The following MBD2 variants were observed in gnomAD, a reference collection of about 807,000 sequenced individuals.
The protein encoded by MBD2 is methyl-CpG-binding domain protein 2.
Under a neutral mutation model 39.3 loss-of-function variants are expected in MBD2, and 9 were observed. The observed-to-expected ratio is 0.23, with a 90% CI of 0.14 to 0.40. The LOEUF (loss-of-function observed/expected upper bound fraction) is 0.40. Ranked by LOEUF, MBD2 falls within the 10% of genes least tolerant of loss-of-function variation. The pLI, the probability that MBD2 is intolerant of heterozygous loss-of-function variation, is 1.00. For synonymous variants in MBD2, 233 were observed against 211.1 expected (o/e 1.10, Z -0.90); for missense variants, 458 against 532.6 (o/e 0.86, Z 1.38).
At chr18:54,185,794 T>C (rs373090728) in intron 3 of MBD2, among the ~76,000 whole-genome samples, 1 of 152,240 alleles carries the variant, frequency 6.6e-6, no homozygotes, top group South Asian at 2.1e-4. Flanking sequence ...TGATGCTATA[T>C]ACAAAAATGG....
At chr18:54,208,125 T>C (rs926783894) in intron 1 of MBD2, among the ~76,000 whole-genome samples, 6 of 152,268 alleles carry the variant, frequency 3.9e-5, no homozygotes, top group African/African-American at 1.4e-4. Flanking sequence ...ACTCAAGTTA[T>C]TGGTAAACGA....
chr18:54,196,112 T>C (rs575322707), intron 2 of MBD2, among the ~76,000 whole-genome samples: 1 of 152,332 alleles, frequency 6.6e-6, no homozygotes, highest in Admixed American at 6.5e-5. Flanking sequence ...AATTCAGTGG[T>C]TTCTAGTATA....
At position 54,208,387 on chromosome 18, in the gene MBD2, G is replaced by A. The variant is rs373086957; in HGVS notation, c.543-3230C>T. ...CATGCCTCTAACCCCAGCTACTCGG[G>A]AGGCTGAGGCAGGAGAATCGCTTGA... On this transcript the variant is annotated intron_variant, in intron 1 of 6. Coordinates refer to ENST00000256429, the MANE Select transcript of MBD2 (RefSeq NM_003927.5). Among the ~76,000 whole-genome samples the A allele has an allele frequency of 5.3e-4, 80 of 152,298 alleles. 1 individual carries two copies. In the South Asian group the frequency reaches 0.013, roughly 26 times the overall value.
chr18:54,201,052 C>A (rs1440503209), intron 2 of MBD2, among the ~76,000 whole-genome samples: 1 of 151,306 alleles, frequency 6.6e-6, no homozygotes, highest in Non-Finnish European at 1.5e-5. Context: ...TGCACTCCAG[C>A]CTGGGCGACA....
At chr18:54,177,088 T>C (rs1247788338) in intron 3 of MBD2, among the ~76,000 whole-genome samples, 1 of 152,208 alleles carries the variant, frequency 6.6e-6, no homozygotes, top group African/African-American at 2.4e-5. Flanking sequence ...AATAAGAGTA[T>C]CATTCGTGGT....
chr18:54,214,131 G>A (rs568074487), intron 1 of MBD2, among the ~76,000 whole-genome samples: 1 of 149,484 alleles, frequency 6.7e-6, no homozygotes, highest in African/African-American at 2.4e-5. Flanking sequence ...ACTGAGCAGG[G>A]GTTACTTTTA....
In MBD2 at chr18:54,157,540, C is replaced by T. The variant is rs141296768; in HGVS notation, c.*12+2225G>A. ...CCTCCCAAAGTGCTGGGATTATAGG[C>T]GTGAGCCACCACACCCAGCCTGAAA... On this transcript the variant is annotated intron_variant, in intron 6 of 6. Transcript: ENST00000256429. 4.3e-3 allele frequency among the ~76,000 whole-genome samples: 650 copies of T among 152,236 alleles called. 6 individuals are homozygous for T. Among genetic ancestry groups the T allele is most frequent in the South Asian group, 0.013 (65 of 4,818 alleles).
intron 3 of MBD2, among the ~76,000 whole-genome samples, chr18:54,175,108 T>C (rs994435181): frequency 6.6e-6 from 1 of 152,246 alleles, no homozygotes; most frequent in Non-Finnish European, 1.5e-5. Context: ...TCATGTATTG[T>C]CTTAAAAAGC....
chr18:54,200,191 T>C lies in MBD2; in HGVS notation c.702+4807A>G, dbSNP rs561300176. Among the ~76,000 whole-genome samples the C allele has an allele frequency of 2.0e-5, 3 of 152,136 alleles. No individual in the cohort carries two copies. The East Asian group carries it at 6.0e-4, about 31-fold the overall frequency. On this transcript the variant is annotated intron_variant, in intron 2 of 6. Coordinates refer to ENST00000256429, the MANE Select transcript of MBD2 (RefSeq NM_003927.5). ...TCCAATTTGGGTGAATAGAGAAATG[T>C]GACGAAAGAATTGAGCCTTTCCAAG... is the stretch of plus-strand genomic sequence containing the variant.
chr18:54,189,096 T>A, intron 2 of MBD2, 85 bp from the exon 3 acceptor site: 1 of 874,508 alleles, frequency 1.1e-6, no homozygotes, highest in South Asian at 2.7e-5. Context: ...TCTATTACTT[T>A]AAATCAAATT....
intron 1 of MBD2, among the ~76,000 whole-genome samples, chr18:54,220,237 A>T (rs920228378): frequency 5.9e-5 from 9 of 152,208 alleles, no homozygotes; most frequent in African/African-American, 1.9e-4. Context: ...CAAGTTAGAA[A>T]GTTATTGTTC....
intron 3 of MBD2, among the ~76,000 whole-genome samples, chr18:54,169,784 G>T (rs569643216): frequency 4.6e-5 from 7 of 152,232 alleles, no homozygotes; most frequent in Admixed American, 4.6e-4. Context: ...CCAATAAATA[G>T]AATAGGTATA....
At chr18:54,198,653 G>A (rs62096962) in intron 2 of MBD2, among the ~76,000 whole-genome samples, 4,721 of 152,292 alleles carry the variant, frequency 0.031, 119 homozygotes, top group Non-Finnish European at 0.046. Flanking sequence ...TCAAGGCTGC[G>A]TGAACTGTGA....
At chr18:54,188,425 C>T (rs774870405) in intron 3 of MBD2, among the ~76,000 whole-genome samples, 18 of 152,276 alleles carry the variant, frequency 1.2e-4, no homozygotes, top group Admixed American at 3.9e-4. Context: ...CAAAGTTTAT[C>T]TAATTCTGTT....
intron 2 of MBD2, chr18:54,203,236 AT>A (rs1168692748): frequency 9.1e-7 from 1 of 1,097,764 alleles, no homozygotes. Flanking sequence ...CAGTACAGTA[AT>A]CTAAAAGTAC....
At chr18:54,186,612 A>G (rs1177630766) in intron 3 of MBD2, among the ~76,000 whole-genome samples, 1 of 152,226 alleles carries the variant, frequency 6.6e-6, no homozygotes, top group Non-Finnish European at 1.5e-5. Flanking sequence ...CCCAATGCAC[A>G]GTCCTATTGG....
At chr18:54,209,179 C>A (rs1367063579) in intron 1 of MBD2, among the ~76,000 whole-genome samples, 1 of 151,416 alleles carries the variant, frequency 6.6e-6, no homozygotes, top group African/African-American at 2.4e-5. Flanking sequence ...GCCCGTAATC[C>A]CTGCTACTTG....
intron 2 of MBD2, among the ~76,000 whole-genome samples, chr18:54,195,303 T>C (rs1263387078): frequency 6.6e-6 from 1 of 152,124 alleles, no homozygotes; most frequent in Non-Finnish European, 1.5e-5. Flanking sequence ...CCAAGCCTAG[T>C]AGACTCATTT....
At chr18:54,201,222 T>C (rs982087950) in intron 2 of MBD2, among the ~76,000 whole-genome samples, 6 of 152,202 alleles carry the variant, frequency 3.9e-5, no homozygotes, top group African/African-American at 1.2e-4. Context: ...CTTTAAGGTC[T>C]GAGAAACCTG....
Sources: allele counts gnomAD v4.1 joint callset (sites outside exome capture counted in the v4.1 genomes callset), GRCh38; gene constraint gnomAD v4.1.1; transcripts MANE v1.5; gene names NCBI Gene and HGNC (gene_info 2026-07-23, HGNC 2026-07-21).